Variants in C1QTNF12 observed in about 807,000 individuals in gnomAD.
C1QTNF12 encodes the protein C1q and TNF related 12, also known as adipolin.
A neutral mutation model predicts 34.3 loss-of-function variants in C1QTNF12; 39 were observed. The observed-to-expected ratio is 1.14, with a 90% confidence interval of 0.88 to 1.49. The LOEUF (loss-of-function observed/expected upper bound fraction) is 1.49, where lower values mean the gene tolerates loss of function less well. Among genes scored for constraint, C1QTNF12 ranks in the 40% most tolerant of loss-of-function variants. The pLI, the probability that C1QTNF12 is intolerant of heterozygous loss-of-function variation, is 0.00. For synonymous variants in C1QTNF12, 220 were observed against 196.9 expected (o/e 1.12, Z -0.98); for missense variants, 497 against 424.7 (o/e 1.17, Z -1.50).
chr1:1,242,532 GC>G lies in C1QTNF12; in HGVS notation c.*15del, dbSNP rs775506330. ...GGGATCCGGCGGCAGCTCCTCGCCA[GC>G]CCCCCTGGGCGCCCTCACGTGCCCA... is the stretch of plus-strand genomic sequence containing the variant. On this transcript the variant is annotated 3_prime_UTR_variant, in exon 8 of 8. Coordinates refer to ENST00000330388, the MANE Select transcript of C1QTNF12 (RefSeq NM_001014980.3). 9 of 1,546,030 alleles carry G rather than the reference GC, an allele frequency of 5.8e-6. No individual in the cohort carries two copies. The Admixed American group carries it at 7.9e-5, about 14-fold the overall frequency.
Position 1,243,069 on chromosome 1 carries a change from G to T in C1QTNF12, c.724C>A (p.Arg242Ser). ...VLICIESLCQRHTCLEAVSGL... is the reference protein window; with the variant it reads ...VLICIESLCQSHTCLEAVSGL... ...GGGGCTGAGGTCACTCACGTGTGGCGCTGGCACAGGGACTCAATACAGATG... is the reference window on the plus strand; with the variant it reads ...GGGGCTGAGGTCACTCACGTGTGGCTCTGGCACAGGGACTCAATACAGATG... Residue 242 changes from arginine to serine, a missense_variant, in exon 6 of 8, where the codon CGC (arginine) becomes AGC (serine). By Grantham distance (110) the Arg-to-Ser change is moderately radical. Transcript: ENST00000330388. The T allele has an allele frequency of 6.3e-7, 1 of 1,581,886 alleles. No individual in the cohort carries two copies. Among genetic ancestry groups the T allele is most frequent in the Non-Finnish European group, 8.6e-7 (1 of 1,164,784 alleles).
intron 5 of C1QTNF12, 84 bp from the exon 6 acceptor site, chr1:1,243,236 G>T: frequency 9.0e-7 from 1 of 1,111,300 alleles, no homozygotes; most frequent in Non-Finnish European, 1.3e-6. Flanking sequence ...CACATCCCAG[G>T]ACAGGCCCAG....
rs781723161 is a variant in C1QTNF12, at chr1:1,244,407, G to A, written c.268C>T (p.Arg90Trp). ...RRPDDGALRK[R>W]CGSRDKKPRD... Reference sequence around the variant, plus strand: ...GGCTTCTTGTCCCTGCTTCCGCACCGCTTCCTTAAGGCGCCGTCGTCCGGC... The same window carrying A: ...GGCTTCTTGTCCCTGCTTCCGCACCACTTCCTTAAGGCGCCGTCGTCCGGC... Residue 90 changes from arginine (R) to tryptophan (W), a missense_variant, in exon 2 of 8, where the codon CGG becomes TGG. Coordinates refer to ENST00000330388, the MANE Select transcript of C1QTNF12 (RefSeq NM_001014980.3). The A allele has an allele frequency of 1.7e-5, 27 of 1,611,682 alleles. No individual in the cohort carries two copies. Among genetic ancestry groups the A allele is most frequent in the South Asian group, 5.5e-5 (5 of 91,076 alleles).
Position 1,244,444 on chromosome 1 carries a change from G to T in C1QTNF12, c.231C>A (p.Asn77Lys). Reference sequence around the variant, plus strand: ...CGCCGTCGTCCGGCCGCCGGACAAAGTTCAGCCATGTCATGTGGGCGTCGG... The same window carrying T: ...CGCCGTCGTCCGGCCGCCGGACAAATTTCAGCCATGTCATGTGGGCGTCGG... ...EFSDAHMTWLNFVRRPDDGAL... is the reference protein window; with the variant it reads ...EFSDAHMTWLKFVRRPDDGAL... Residue 77 changes from asparagine to lysine, a missense_variant, in exon 2 of 8, where the codon AAC (asparagine) becomes AAA (lysine). By Grantham distance (94) the Asn-to-Lys change is moderately conservative (BLOSUM62 0). Transcript: ENST00000330388. 1.2e-6 allele frequency: 2 copies of T among 1,611,962 alleles called. No homozygotes were observed. Among genetic ancestry groups the T allele is most frequent in the Non-Finnish European group, 1.7e-6 (2 of 1,179,550 alleles).
rs931470060 is a variant in C1QTNF12 at position 1,244,502 on chromosome 1, A to G, written c.178-5T>C. On this transcript the variant is annotated splice_region_variant and splice_polypyrimidine_tract_variant and intron_variant, in intron 1 of 7. Transcript: ENST00000330388. ...AGGTCCTGAGGCCTGGGATGGCTGAAGGGACGGGACGGGGCTAGCGCACTG... is the reference window on the plus strand; with the variant it reads ...AGGTCCTGAGGCCTGGGATGGCTGAGGGGACGGGACGGGGCTAGCGCACTG... 3.1e-6 allele frequency: 5 copies of G among 1,604,038 alleles called. No homozygotes were observed. Among genetic ancestry groups the G allele is most frequent in the Middle Eastern group, 1.7e-4 (1 of 6,010 alleles).
At position 1,242,616 on chromosome 1, in the gene C1QTNF12, T is replaced by G. The variant is rs899992518; in HGVS notation, c.841A>C (p.Asn281His). The G allele has an allele frequency of 6.3e-7, 1 of 1,596,208 alleles. No individual in the cohort carries two copies. Among genetic ancestry groups the G allele is most frequent in the Non-Finnish European group, 8.5e-7 (1 of 1,172,032 alleles). ...AGQYASVFVD[N>H]GSGAVLTIQA... ...ATGGTGAGGACGGCCCCGGAGCCAT[T>G]GTCCACAAACACAGAAGCGTACTGT... The change falls in exon 8 of 8, where the codon AAT becomes CAT. Residue 281 changes from asparagine to histidine, a missense_variant. Transcript: ENST00000330388.
rs764663739 is a variant in C1QTNF12 at position 1,244,402 on chromosome 1, G to C, written c.273C>G (p.Cys91Trp). The stretch of plus-strand genomic sequence containing the variant: ...TCACCGGCTTCTTGTCCCTGCTTCC[G>C]CACCGCTTCCTTAAGGCGCCGTCGT... ...RPDDGALRKR[C>W]GSRDKKPRDL... Residue 91 changes from cysteine (C) to tryptophan (W), a missense_variant, in exon 2 of 8, where the codon TGC becomes TGG. Physicochemically the swap from Cys to Trp is radical, Grantham distance 215. Coordinates refer to ENST00000330388, the MANE Select transcript of C1QTNF12 (RefSeq NM_001014980.3). The C allele has an allele frequency of 3.7e-6, 6 of 1,611,728 alleles. No homozygotes were observed. In the East Asian group the frequency reaches 8.9e-5, roughly 24 times the overall value.
In C1QTNF12 at chr1:1,243,156, C is replaced by A. The variant is rs193233529; in HGVS notation, c.641-4G>T. 2 of 1,299,822 alleles carry A rather than the reference C, an allele frequency of 1.5e-6. No individual in the cohort carries two copies. Among genetic ancestry groups the A allele is most frequent in the Non-Finnish European group, 2.0e-6 (2 of 993,108 alleles). The allele number at this position is 1,299,822 out of a possible 1,614,324, so 80.5% of individuals were successfully genotyped here. On this transcript the variant is annotated splice_polypyrimidine_tract_variant and splice_region_variant and intron_variant, in intron 5 of 7. Transcript: ENST00000330388. Reference sequence around the variant, plus strand: ...TTGCCCTGCAGCTCACTGTGGTCTGCGGAGAGAGCCCTGGGGAGGGTGGTG... The same window carrying A: ...TTGCCCTGCAGCTCACTGTGGTCTGAGGAGAGAGCCCTGGGGAGGGTGGTG...
chr1:1,246,758 C>T (rs1284195794), upstream of C1QTNF12: 5 of 1,144,268 alleles, frequency 4.4e-6, no homozygotes, highest in Non-Finnish European at 5.5e-6. This position sits in a 1 kb window ranked among gnomAD's most constrained non-coding sequence, Gnocchi z 4.5. Context: ...GGACGGCCGG[C>T]GCTCAGAGCC....
chr1:1,245,748 G>T (rs371598470), intron 1 of C1QTNF12, among the ~76,000 whole-genome samples: 1 of 152,226 alleles, frequency 6.6e-6, no homozygotes, highest in African/African-American at 2.4e-5. Context: ...CAGCGGGGCC[G>T]CGTGGGCTGA....
chr1:1,244,335 A>G, intron 2 of C1QTNF12, 46 bp downstream of exon 2: 4 of 1,595,014 alleles, frequency 2.5e-6, no homozygotes, highest in Non-Finnish European at 3.4e-6. Context: ...CTACCACCAC[A>G]CCCTGTCCGG....
At position 1,246,081 on chromosome 1, in the gene C1QTNF12, A is replaced by G. The variant is rs997146711; in HGVS notation, c.177+433T>C. Reference sequence around the variant, plus strand: ...AGAAAGCACAAGGGACAGGCTCGCCATGGCGTCTCCAGCCGCAGGAGTCAT... The same window carrying G: ...AGAAAGCACAAGGGACAGGCTCGCCGTGGCGTCTCCAGCCGCAGGAGTCAT... On this transcript the variant is annotated intron_variant, in intron 1 of 7. Transcript: ENST00000330388. This position sits in a 1 kb window ranked among gnomAD's most constrained non-coding sequence, Gnocchi z 4.5. Among the ~76,000 whole-genome samples the G allele has an allele frequency of 6.6e-6, 1 of 152,068 alleles. No individual in the cohort carries two copies. The highest frequency in any genetic ancestry group is 2.4e-5 in the African/African-American group (1 of 41,424).
intron 4 of C1QTNF12, among the ~76,000 whole-genome samples, 193 bp downstream of exon 4, chr1:1,243,761 C>T (rs575304522): frequency 3.6e-4 from 55 of 152,292 alleles, no homozygotes; most frequent in Non-Finnish European, 5.3e-4. Flanking sequence ...ACCCACGCTC[C>T]GTCTGGGCAT....
At chr1:1,242,989 C>T (rs1166446715) in intron 6 of C1QTNF12, 73 bp downstream of exon 6, 3 of 1,560,174 alleles carry the variant, frequency 1.9e-6, no homozygotes, top group Non-Finnish European at 1.7e-6. Context: ...TGCCCAGAGA[C>T]CCCTGTGGCC....
rs1402401435 is a variant in C1QTNF12 at position 1,242,903 on chromosome 1, C to G, written c.742G>C (p.Ala248Pro). Residue 248 changes from alanine (A) to proline (P), a missense_variant, in exon 7 of 8, where the codon GCC becomes CCC. Physicochemically the swap from Ala to Pro is conservative, Grantham distance 27. Transcript: ENST00000330388. ...SLCQRHTCLEAVSGLESNSRV... is the reference protein window; with the variant it reads ...SLCQRHTCLEPVSGLESNSRV... ...CTGTTGCTCTCCAGGCCTGAGACGG[C>G]CTCCAGGCACCTGAACACAGCCCCA... The G allele has an allele frequency of 6.2e-7, 1 of 1,612,282 alleles. No homozygotes were observed.
Position 1,242,541 on chromosome 1 carries a change from G to C in C1QTNF12, c.*7C>G, listed in dbSNP as rs1638764990. The C allele has an allele frequency of 6.4e-7, 1 of 1,555,114 alleles. No homozygotes were observed. On this transcript the variant is annotated 3_prime_UTR_variant, in exon 8 of 8. Coordinates refer to ENST00000330388, the MANE Select transcript of C1QTNF12 (RefSeq NM_001014980.3). ...CGGCAGCTCCTCGCCAGCCCCCCTG[G>C]GCGCCCTCACGTGCCCAGGAGCAGC...
rs530078248 is a variant in C1QTNF12 at position 1,244,381 on chromosome 1, C to T, written c.294G>A (p.Pro98=). ...CTGCAGCAGCCCGGGCGGGGCTCAC[C>T]GGCTTCTTGTCCCTGCTTCCGCACC... ...RKRCGSRDKK[P]RDLFGPPGPP... is the part of the protein sequence containing the mutation. Residue 98 remains proline (P), a splice_region_variant and synonymous_variant, in exon 2 of 8, where the codon CCG becomes CCA. Transcript: ENST00000330388. The T allele has an allele frequency of 4.3e-6, 7 of 1,610,884 alleles. No homozygotes were observed. Among genetic ancestry groups the T allele is most frequent in the Non-Finnish European group, 5.1e-6 (6 of 1,178,748 alleles).
rs1283968107 is a variant in C1QTNF12 at position 1,243,046 on chromosome 1, G to A, written c.731+16C>T. 3 of 1,570,200 alleles carry A rather than the reference G, an allele frequency of 1.9e-6. No individual in the cohort carries two copies. The highest frequency in any genetic ancestry group is 1.7e-4 in the Middle Eastern group (1 of 6,014). ...TCCGGGGGCTGCCGCCTGGAGCGGG[G>A]GCTGAGGTCACTCACGTGTGGCGCT... On this transcript the variant is annotated intron_variant, in intron 6 of 7. Coordinates refer to ENST00000330388, the MANE Select transcript of C1QTNF12 (RefSeq NM_001014980.3).
At chr1:1,243,017 G>A in intron 6 of C1QTNF12, 45 bp downstream of exon 6, 2 of 1,556,268 alleles carry the variant, frequency 1.3e-6, no homozygotes, top group Non-Finnish European at 1.7e-6. Context: ...CCCTCCAAGG[G>A]TGGTCCGGGG....
Sources: allele counts gnomAD v4.1 joint callset (sites outside exome capture counted in the v4.1 genomes callset), GRCh38; gene constraint gnomAD v4.1.1; non-coding constraint Gnocchi (gnomAD v3.1); transcripts MANE v1.5; gene names NCBI Gene and HGNC (gene_info 2026-07-23, HGNC 2026-07-21).